The following MAP7 variants were observed in gnomAD, a reference collection of about 807,000 sequenced individuals.
The protein encoded by MAP7 is microtubule associated protein 7.
MAP7 carries 52 observed loss-of-function variants against 94.8 expected under a neutral mutation model. The ratio of observed to expected loss-of-function variants is 0.55; its 90% CI spans 0.44 to 0.69. The LOEUF is 0.69. MAP7 is among the 30% of genes least tolerant of loss of function. The pLI, the probability that MAP7 is intolerant of heterozygous loss-of-function variation, is 0.00. For synonymous variants in MAP7, 350 were observed against 357.0 expected (o/e 0.98, Z 0.22); for missense variants, 940 against 964.6 (o/e 0.97, Z 0.34).
At chr6:136,350,086 GAT>G (rs1179002068) in intron 16 of MAP7, among the ~76,000 whole-genome samples, 1 of 152,152 alleles carries the variant, frequency 6.6e-6, no homozygotes, top group Non-Finnish European at 1.5e-5. Flanking sequence ...TGAATGAAAA[GAT>G]AGTCATTCTG....
Position 136,377,757 on chromosome 6 carries a change from G to T in MAP7, c.749C>A (p.Ala250Glu). 1 of 1,613,350 alleles carries T rather than the reference G, an allele frequency of 6.2e-7. No individual in the cohort carries two copies. Among genetic ancestry groups the T allele is most frequent in the Non-Finnish European group, 8.5e-7 (1 of 1,179,318 alleles). The change falls in exon 7 of 18, where the codon GCA becomes GAA. Residue 250 changes from alanine to glutamate, a missense_variant and splice_region_variant. Coordinates refer to ENST00000354570, the MANE Select transcript of MAP7 (RefSeq NM_003980.6). ...AAGTTCCACCTGGACAGTTTTACCTGCTTCTCCAGACAAGGCAGCTGTGCT... is the reference window on the plus strand; with the variant it reads ...AAGTTCCACCTGGACAGTTTTACCTTCTTCTCCAGACAAGGCAGCTGTGCT... ...SKSTAALSGE[A>E]ASCSPIIMPY...
chr6:136,406,359 ACT>A (rs1369901438), intron 3 of MAP7, among the ~76,000 whole-genome samples: 2 of 152,108 alleles, frequency 1.3e-5, no homozygotes, highest in Admixed American at 1.3e-4. Flanking sequence ...AAGGAGAATA[ACT>A]CTTTCTCCAT....
At chr6:136,512,299 T>C (rs533145378) in intron 1 of MAP7, among the ~76,000 whole-genome samples, 3 of 152,360 alleles carry the variant, frequency 2.0e-5, no homozygotes, top group Admixed American at 2.0e-4. Context: ...CTAAGAGGTC[T>C]TGAATCAGCA....
chr6:136,374,015 G>T (rs980048913), intron 7 of MAP7, among the ~76,000 whole-genome samples: 4 of 152,208 alleles, frequency 2.6e-5, no homozygotes, highest in Non-Finnish European at 4.4e-5. Flanking sequence ...AGGCTGAGGT[G>T]CAGTGGCACG....
intron 1 of MAP7, among the ~76,000 whole-genome samples, chr6:136,517,088 C>T (rs1405463282): frequency 6.6e-6 from 1 of 152,072 alleles, no homozygotes; most frequent in African/African-American, 2.4e-5. Context: ...ATAACAGGTA[C>T]ACTCCCTTAA....
At position 136,513,221 on chromosome 6, in the gene MAP7, G is replaced by A. The variant is rs539766937; in HGVS notation, c.67+37121C>T. ...TCCTTTCATGAAAGACTTCTCTGTT[G>A]TATGCGATGTTGTGTGATAGCATTT... is the stretch of plus-strand genomic sequence containing the variant. On this transcript the variant is annotated intron_variant, in intron 1 of 17. Coordinates refer to ENST00000354570, the MANE Select transcript of MAP7 (RefSeq NM_003980.6). 2.6e-5 allele frequency among the ~76,000 whole-genome samples: 4 copies of A among 152,274 alleles called. No homozygotes were observed. In the South Asian group the frequency reaches 8.3e-4, roughly 32 times the overall value.
intron 1 of MAP7, among the ~76,000 whole-genome samples, chr6:136,424,437 A>G (rs1206506110): frequency 6.6e-6 from 1 of 152,070 alleles, no homozygotes; most frequent in African/African-American, 2.4e-5. Context: ...GCTGTATTCC[A>G]TTAGTGTCAC....
At chr6:136,485,555 A>AC (rs1814383632) in intron 1 of MAP7, among the ~76,000 whole-genome samples, 1 of 98,158 alleles carries the variant, frequency 1.0e-5, no homozygotes, top group East Asian at 3.3e-4. Flanking sequence ...TCCACTTCAG[A>AC]TTTTTTTTTT....
At chr6:136,508,719 CT>C (rs1034542362) in intron 1 of MAP7, among the ~76,000 whole-genome samples, 1 of 152,068 alleles carries the variant, frequency 6.6e-6, no homozygotes, top group Non-Finnish European at 1.5e-5. Context: ...GATGGTTTTC[CT>C]TTTTTTGTTT....
intron 1 of MAP7, among the ~76,000 whole-genome samples, chr6:136,487,072 T>C (rs1039194214): frequency 1.3e-5 from 2 of 152,106 alleles, no homozygotes; most frequent in Admixed American, 6.5e-5. Flanking sequence ...AGGGGCAGGA[T>C]TGAAAAATCA....
chr6:136,468,365 G>A lies in MAP7; in HGVS notation c.68-46566C>T, dbSNP rs144876328. On this transcript the variant is annotated intron_variant, in intron 1 of 17. Coordinates refer to ENST00000354570, the MANE Select transcript of MAP7 (RefSeq NM_003980.6). ...AATCTCACAACAACCCTATTATGAC[G>A]CCAGTTTTACAGATGAGGAAACTCT... 1.4e-3 allele frequency among the ~76,000 whole-genome samples: 219 copies of A among 152,096 alleles called. 1 individual carries two copies. Among genetic ancestry groups the A allele is most frequent in the African/African-American group, 4.9e-3 (204 of 41,494 alleles).
intron 1 of MAP7, among the ~76,000 whole-genome samples, chr6:136,422,964 A>G (rs1048372342): frequency 6.6e-6 from 1 of 152,242 alleles, no homozygotes; most frequent in Non-Finnish European, 1.5e-5. Context: ...GTACATAACC[A>G]GTTGAGTGGC....
rs373926453 is a variant in MAP7 at position 136,531,271 on chromosome 6, G to A, written c.67+19071C>T. Among the ~76,000 whole-genome samples, 42 of 144,870 alleles carry A rather than the reference G, an allele frequency of 2.9e-4. 6 individuals are homozygous for A. Among genetic ancestry groups the A allele is most frequent in the African/African-American group, 1.1e-3 (38 of 34,938 alleles). ...TCCAAATGAGGGAAAGAAATCAATC[G>A]CTGGGTTCAACAGAAGATTCATACA... On this transcript the variant is annotated intron_variant, in intron 1 of 17. Transcript: ENST00000354570.
At chr6:136,477,840 T>C (rs2327733) in intron 1 of MAP7, among the ~76,000 whole-genome samples, 133,165 of 152,248 alleles carry the variant, frequency 0.87, 58,336 homozygotes, top group African/African-American at 0.91. Context: ...TTTCATCCTA[T>C]GGCTGCAGAA....
At chr6:136,547,796 CACT>C (rs1034330712) in intron 1 of MAP7, among the ~76,000 whole-genome samples, 45 of 152,172 alleles carry the variant, frequency 3.0e-4, no homozygotes, top group African/African-American at 1.1e-3. Context: ...CACACGCCAC[CACT>C]GTCAATTCAT....
chr6:136,489,277 A>G (rs1310642834), intron 1 of MAP7, among the ~76,000 whole-genome samples: 3 of 152,136 alleles, frequency 2.0e-5, no homozygotes, highest in Non-Finnish European at 2.9e-5. Flanking sequence ...ATTCGCTTGT[A>G]TCCTGAAAAA....
At chr6:136,446,163 C>T (rs1443506540) in intron 1 of MAP7, among the ~76,000 whole-genome samples, 1 of 151,672 alleles carries the variant, frequency 6.6e-6, no homozygotes, top group Non-Finnish European at 1.5e-5. Context: ...CAGAGGTGGA[C>T]AGGGCACAGC....
chr6:136,466,091 G>A (rs1806938919), intron 1 of MAP7, among the ~76,000 whole-genome samples: 1 of 152,144 alleles, frequency 6.6e-6, no homozygotes, highest in Non-Finnish European at 1.5e-5. Flanking sequence ...TAAAGCCCAT[G>A]TGTGACTCAC....
chr6:136,396,879 G>A (rs755397547), intron 3 of MAP7, among the ~76,000 whole-genome samples: 5 of 152,206 alleles, frequency 3.3e-5, no homozygotes, highest in South Asian at 4.1e-4. Flanking sequence ...TGTTTTTGTC[G>A]TCATAATCAT....
Sources: allele counts gnomAD v4.1 joint callset (sites outside exome capture counted in the v4.1 genomes callset), GRCh38; gene constraint gnomAD v4.1.1; transcripts MANE v1.5; gene names NCBI Gene and HGNC (gene_info 2026-07-23, HGNC 2026-07-21).